Variants in TANC2 observed in about 807,000 individuals in gnomAD.
TANC2 encodes the protein tetratricopeptide repeat, ankyrin repeat and coiled-coil containing 2, also known as protein TANC2.
TANC2 carries 26 observed loss-of-function variants against 210.5 expected under a neutral mutation model. The ratio of observed to expected loss-of-function variants is 0.12; its 90% confidence interval spans 0.09 to 0.17. The LOEUF (loss-of-function observed/expected upper bound fraction) is 0.17. Among genes scored for constraint, TANC2 ranks in the 10% least tolerant of loss-of-function variants. The pLI, the probability that TANC2 is intolerant of heterozygous loss-of-function variation, is 1.00. For missense variants in TANC2, 2,129 were observed against 2,608.9 expected (o/e 0.82, Z 4.01); for synonymous variants, 931 against 967.1 (o/e 0.96, Z 0.69).
At chr17:63,410,843 G>A (rs7223975) in intron 21 of TANC2, among the ~76,000 whole-genome samples, 72 of 106,562 alleles carry the variant, frequency 6.8e-4, no homozygotes, top group African/African-American at 2.6e-3. Flanking sequence ...CCAGGGCAAC[G>A]GAGCAAGACT....
intron 12 of TANC2, among the ~76,000 whole-genome samples, chr17:63,350,760 T>G (rs560043244): frequency 5.3e-5 from 8 of 152,066 alleles, no homozygotes; most frequent in Non-Finnish European, 1.2e-4. Context: ...CCACTACACA[T>G]TCACATTCAC....
chr17:63,378,869 G>A (rs2147073822), intron 14 of TANC2, among the ~76,000 whole-genome samples: 1 of 152,322 alleles, frequency 6.6e-6, no homozygotes, highest in Middle Eastern at 3.4e-3. Context: ...GTCACTTGGG[G>A]AAGAGGTTGT....
At position 63,009,412 on chromosome 17, in the gene TANC2, G is replaced by A. The variant is rs141890578; in HGVS notation, c.-23-125G>A. On this transcript the variant is annotated intron_variant, in intron 1 of 27. Transcript: ENST00000689528. ...GTCCTCTCAATCATTTATTTATTGA[G>A]TGGCAAACAGTCCAGTTGTACCCTT... The A allele has an allele frequency of 2.0e-5, 12 of 592,254 alleles. No individual in the cohort carries two copies. In the African/African-American group the frequency reaches 2.0e-4, roughly 10 times the overall value. The allele number at this position is 592,254 out of a possible 1,614,324, so 36.7% of individuals were successfully genotyped here.
At chr17:63,416,655 A>G (rs965744876) in intron 26 of TANC2, among the ~76,000 whole-genome samples, 1 of 152,164 alleles carries the variant, frequency 6.6e-6, no homozygotes, top group East Asian at 1.9e-4. Flanking sequence ...TGACTGTCTC[A>G]GAGAACACAG....
intron 7 of TANC2, among the ~76,000 whole-genome samples, chr17:63,234,426 A>G (rs1369408825): frequency 6.6e-6 from 1 of 152,202 alleles, no homozygotes; most frequent in East Asian, 1.9e-4. Flanking sequence ...GTAGTAGTAA[A>G]AAATGCCCTG....
intron 14 of TANC2, among the ~76,000 whole-genome samples, chr17:63,357,608 C>T (rs925237552): frequency 6.6e-6 from 1 of 152,254 alleles, no homozygotes; most frequent in South Asian, 2.1e-4. Context: ...TCAGTTGGAA[C>T]TCAGCCCCCT....
At chr17:63,070,861 A>G (rs1453070964) in intron 2 of TANC2, among the ~76,000 whole-genome samples, 1 of 152,128 alleles carries the variant, frequency 6.6e-6, no homozygotes, top group East Asian at 1.9e-4. Context: ...TTCTAGGTAA[A>G]TGTGTTTAAA....
intron 1 of TANC2, among the ~76,000 whole-genome samples, chr17:62,970,208 A>G (rs1389604785): frequency 6.6e-6 from 1 of 152,162 alleles, no homozygotes; most frequent in East Asian, 1.9e-4. Flanking sequence ...CCCTTTTTAT[A>G]TACATTTGTT....
At position 63,091,567 on chromosome 17, in the gene TANC2, G is replaced by T. The variant is rs1238477618; in HGVS notation, c.140-7608G>T. Among the ~76,000 whole-genome samples the T allele has an allele frequency of 2.0e-5, 3 of 152,076 alleles. No homozygotes were observed. In the East Asian group the frequency reaches 5.8e-4, roughly 29 times the overall value. On this transcript the variant is annotated intron_variant, in intron 3 of 27. Coordinates refer to ENST00000689528, the Ensembl canonical transcript of TANC2. ...AGGGCTCTGTTCTGTTCCATTGGTC[G>T]ATACCTCTGTTTTGGTACCAGTACC...
Position 63,237,755 on chromosome 17 carries a change from A to G in TANC2, c.770-59A>G. 3.5e-6 allele frequency: 5 copies of G among 1,447,612 alleles called. No homozygotes were observed. In the South Asian group the frequency reaches 7.4e-5, roughly 21 times the overall value. 89.7% of individuals were successfully genotyped at this position (1,447,612 alleles called of 1,614,324 possible). The stretch of plus-strand genomic sequence containing the variant: ...ATGTGTGTTTTTATCAACTTTGTCA[A>G]AGATTAATAACTGTATGTATGTGGC... On this transcript the variant is annotated intron_variant, in intron 7 of 27. Transcript: ENST00000689528.
intron 11 of TANC2, among the ~76,000 whole-genome samples, chr17:63,326,490 A>G (rs2045651215): frequency 6.6e-6 from 1 of 152,258 alleles, no homozygotes; most frequent in South Asian, 2.1e-4. Flanking sequence ...CTAGAGGAAT[A>G]GAAGAAAAGA....
intron 7 of TANC2, among the ~76,000 whole-genome samples, chr17:63,219,406 A>G (rs1217968580): frequency 6.6e-6 from 1 of 151,646 alleles, no homozygotes; most frequent in Admixed American, 6.6e-5. Flanking sequence ...CTGGCCCACA[A>G]AGCCCAAAAC....
In TANC2 at chr17:63,420,121, AGCCACCGCC is replaced by A. The variant is rs566549017; in HGVS notation, c.4400_4408del (p.Pro1467_Pro1469del). On this transcript the variant is annotated inframe_deletion, in exon 28 of 28. Coordinates refer to ENST00000689528, the Ensembl canonical transcript of TANC2. This position sits in a 1 kb window ranked among gnomAD's most constrained non-coding sequence, Gnocchi z 4.2. The stretch of plus-strand genomic sequence containing the variant: ...TGTAGACAGATGCAGCAGCCACAGC[AGCCACCGCC>A]GCCACCGCAGCCTCAGCAGCAGTTG... 850 of 1,553,142 alleles carry A rather than the reference AGCCACCGCC, an allele frequency of 5.5e-4. 1 individual carries two copies. The highest frequency in any genetic ancestry group is 7.6e-4 in the East Asian group (31 of 41,040).
At chr17:63,078,654 T>C (rs537757353) in intron 3 of TANC2, among the ~76,000 whole-genome samples, 18 of 152,308 alleles carry the variant, frequency 1.2e-4, no homozygotes, top group African/African-American at 4.3e-4. Context: ...CCATGTGTTA[T>C]TTAGAAGTAT....
intron 11 of TANC2, among the ~76,000 whole-genome samples, chr17:63,326,058 T>C (rs1382247780): frequency 6.6e-6 from 1 of 152,246 alleles, no homozygotes; most frequent in East Asian, 1.9e-4. Flanking sequence ...TGTTTAGATC[T>C]AGAATTATAA....
At chr17:63,141,030 G>A (rs1200488778) in intron 4 of TANC2, among the ~76,000 whole-genome samples, 8 of 151,752 alleles carry the variant, frequency 5.3e-5, no homozygotes, top group East Asian at 2.0e-4. Flanking sequence ...GATTACAGGC[G>A]CAAGCCACCA....
intron 3 of TANC2, among the ~76,000 whole-genome samples, chr17:63,096,782 A>G (rs2037403076): frequency 6.6e-6 from 1 of 152,122 alleles, no homozygotes; most frequent in Admixed American, 6.6e-5. Flanking sequence ...TGAAATGGCT[A>G]AGTTATATGG....
At chr17:63,415,122 C>T (rs186163437) in intron 25 of TANC2, among the ~76,000 whole-genome samples, 87 of 152,308 alleles carry the variant, frequency 5.7e-4, no homozygotes, top group African/African-American at 2.1e-3. Context: ...AAACAGTTCT[C>T]CAGACAAGCC....
intron 5 of TANC2, chr17:63,151,833 T>C (rs2039663047): frequency 6.6e-6 from 1 of 152,170 alleles, no homozygotes; most frequent in Non-Finnish European, 1.5e-5. Flanking sequence ...TAGAAAATAC[T>C]TGTGATGCTG....
Sources: gnomAD v4.1 joint callset for allele counts (sites outside exome capture counted in the v4.1 genomes callset) on GRCh38, gnomAD v4.1.1 for gene constraint, Gnocchi (gnomAD v3.1) non-coding constraint, MANE v1.5 for transcripts, NCBI Gene and HGNC (gene_info 2026-07-23, HGNC 2026-07-21) for gene names.